Variants in AFAP1 observed in about 807,000 individuals in gnomAD.
AFAP1 encodes actin filament-associated protein 1.
In AFAP1, 75 loss-of-function variants were observed where a neutral mutation model predicts 93.9. That is an observed-to-expected ratio of 0.80 (90% confidence interval 0.66 to 0.97). The LOEUF (loss-of-function observed/expected upper bound fraction) is 0.97. Ranked by LOEUF, AFAP1 falls within the 50% of genes least tolerant of loss-of-function variation. The pLI is 0.00. For missense variants in AFAP1, 1,201 were observed against 1,050.8 expected (o/e 1.14, Z -1.98); for synonymous variants, 517 against 430.7 (o/e 1.20, Z -2.48).
At chr4:7,806,759 C>T (rs961012908) in intron 9 of AFAP1, among the ~76,000 whole-genome samples, 2 of 152,156 alleles carry the variant, frequency 1.3e-5, no homozygotes, top group Non-Finnish European at 2.9e-5. Context: ...AGAGGATGTT[C>T]TGTTAATATT....
intron 3 of AFAP1, 67 bp from the exon 4 acceptor site, chr4:7,855,641 A>G (rs558358726): frequency 7.1e-4 from 903 of 1,269,204 alleles, no homozygotes; most frequent in Non-Finnish European, 9.6e-4. Context: ...TGGATTTCCA[A>G]TTAACAGGTG....
chr4:7,939,353 G>A lies in AFAP1; in HGVS notation c.-3+303C>T. The A allele has an allele frequency of 6.2e-6, 2 of 324,612 alleles. No homozygotes were observed. Among genetic ancestry groups the A allele is most frequent in the African/African-American group, 2.3e-5 (1 of 43,768 alleles). 20.1% of individuals were successfully genotyped at this position (324,612 alleles called of 1,614,324 possible). ...GCAGGGCCCCCTCTGACGCACACGG[G>A]GACCAGCCACGCCGCGGGGGCACCG... On this transcript the variant is annotated intron_variant, in intron 1 of 17. Transcript: ENST00000420658. The surrounding 1 kb of genome is among the most constrained non-coding windows in gnomAD (Gnocchi z 5.6).
intron 3 of AFAP1, among the ~76,000 whole-genome samples, chr4:7,868,063 T>C (rs1292895811): frequency 6.6e-6 from 1 of 151,850 alleles, no homozygotes; most frequent in East Asian, 1.9e-4. Context: ...ACATAAAAGT[T>C]TGCAAATGAG....
intron 4 of AFAP1, among the ~76,000 whole-genome samples, chr4:7,845,960 AG>A (rs546521082): frequency 4.6e-4 from 70 of 152,306 alleles, no homozygotes; most frequent in African/African-American, 1.6e-3. Context: ...CAGCATATGC[AG>A]GGGCACAGGG....
At chr4:7,923,036 T>C (rs144241315) in intron 1 of AFAP1, among the ~76,000 whole-genome samples, 6 of 152,190 alleles carry the variant, frequency 3.9e-5, no homozygotes, top group African/African-American at 9.6e-5. Context: ...AGAATTTGTA[T>C]AGACATAAAG....
intron 3 of AFAP1, chr4:7,862,009 T>C (rs1039535452): frequency 1.3e-5 from 2 of 152,266 alleles, no homozygotes; most frequent in South Asian, 2.1e-4. Context: ...AATGCATCGA[T>C]GGGAAGATGG....
rs1188061998 is a variant in AFAP1 at position 7,855,327 on chromosome 4, A to T, written c.334+139T>A. Reference sequence around the variant, plus strand: ...TCTCAAAACCTTTCCTGTACTGACAATCTCTTTGGGTTCAAAAAGTACTTG... The same window carrying T: ...TCTCAAAACCTTTCCTGTACTGACATTCTCTTTGGGTTCAAAAAGTACTTG... On this transcript the variant is annotated intron_variant, in intron 4 of 17. Coordinates refer to ENST00000420658, the MANE Select transcript of AFAP1 (RefSeq NM_001134647.2). The T allele has an allele frequency of 1.3e-5, 8 of 638,584 alleles. No homozygotes were observed. The Admixed American group carries it at 1.3e-4, about 10-fold the overall frequency. The allele number at this position is 638,584 out of a possible 1,614,324, so 39.6% of individuals were successfully genotyped here. A position where few individuals can be genotyped will look rare whatever the true frequency, so the allele number is the denominator to read the frequency against.
At chr4:7,879,573 A>AC (rs1717722645) in intron 1 of AFAP1, among the ~76,000 whole-genome samples, 1 of 152,166 alleles carries the variant, frequency 6.6e-6, no homozygotes, top group Admixed American at 6.5e-5. Flanking sequence ...GGAATTTAGC[A>AC]TTCCCAAAGT....
At chr4:7,875,116 C>G (rs1029555025) in intron 1 of AFAP1, among the ~76,000 whole-genome samples, 1 of 152,144 alleles carries the variant, frequency 6.6e-6, no homozygotes, top group Admixed American at 6.5e-5. Context: ...GCTCAACTGA[C>G]AAAAGCATAA....
intron 1 of AFAP1, among the ~76,000 whole-genome samples, chr4:7,929,591 T>C (rs1720950522): frequency 6.6e-6 from 1 of 152,176 alleles, no homozygotes; most frequent in South Asian, 2.1e-4. Context: ...TCCAGAAGCA[T>C]GTGCTCCCTC....
At position 7,910,541 on chromosome 4, in the gene AFAP1, A is replaced by G. The variant is rs368164649; in HGVS notation, c.-3+29115T>C. 5.3e-5 allele frequency among the ~76,000 whole-genome samples: 8 copies of G among 152,368 alleles called. No individual in the cohort carries two copies. In the East Asian group the frequency reaches 1.5e-3, roughly 29 times the overall value. The stretch of plus-strand genomic sequence containing the variant: ...CAAAAGTGGAAGCAGAAAATTGAGC[A>G]ATCAGCCTACCAAGTCAAGTGGGGC... On this transcript the variant is annotated intron_variant, in intron 1 of 17. Transcript: ENST00000420658.
intron 1 of AFAP1, among the ~76,000 whole-genome samples, chr4:7,915,486 A>AAAG (rs1223060104): frequency 6.6e-6 from 1 of 151,952 alleles, no homozygotes; most frequent in Admixed American, 6.6e-5. Context: ...CTAAAAAAAA[A>AAAG]AAGAAGAAGA....
chr4:7,802,719 A>T (rs372840113), intron 9 of AFAP1, among the ~76,000 whole-genome samples: 1 of 145,454 alleles, frequency 6.9e-6, no homozygotes, highest in South Asian at 2.1e-4. Context: ...GCGTGATCTC[A>T]GCTCACTGCA....
chr4:7,803,977 C>T (rs978784161), intron 9 of AFAP1, among the ~76,000 whole-genome samples: 1 of 152,186 alleles, frequency 6.6e-6, no homozygotes, highest in African/African-American at 2.4e-5. Flanking sequence ...CACCATTTCT[C>T]AAAATGGGGA....
At chr4:7,840,806 G>A (rs916052747) in intron 5 of AFAP1, among the ~76,000 whole-genome samples, 8 of 152,142 alleles carry the variant, frequency 5.3e-5, no homozygotes, top group African/African-American at 9.7e-5. Context: ...GCAACTAATC[G>A]TACAATGGAA....
Position 7,783,936 on chromosome 4 carries a change from A to C in AFAP1, c.1530+2258T>G, listed in dbSNP as rs554531844. ...TTCTCAGGATGCAGATGAGTGTGGTAACTGGAGTCTAAATCCAGTGGTAAG... is the reference window on the plus strand; with the variant it reads ...TTCTCAGGATGCAGATGAGTGTGGTCACTGGAGTCTAAATCCAGTGGTAAG... On this transcript the variant is annotated intron_variant, in intron 12 of 17. Transcript: ENST00000420658. 2.6e-5 allele frequency among the ~76,000 whole-genome samples: 4 copies of C among 152,296 alleles called. No homozygotes were observed. The South Asian group carries it at 8.3e-4, about 32-fold the overall frequency.
intron 1 of AFAP1, among the ~76,000 whole-genome samples, chr4:7,872,532 G>C (rs553843240): frequency 6.6e-6 from 1 of 152,250 alleles, no homozygotes; most frequent in Admixed American, 6.5e-5. Flanking sequence ...ACAACTGTGA[G>C]CATGTTTATG....
At chr4:7,878,477 C>CAGG (rs1169575234) in intron 1 of AFAP1, among the ~76,000 whole-genome samples, 1 of 152,220 alleles carries the variant, frequency 6.6e-6, no homozygotes, top group Non-Finnish European at 1.5e-5. Flanking sequence ...ATCCTTCTAT[C>CAGG]AGGAGGAGGA....
At chr4:7,774,960 G>T in intron 14 of AFAP1, 57 bp from the exon 15 acceptor site, 1 of 1,577,154 alleles carries the variant, frequency 6.3e-7, no homozygotes, top group African/African-American at 1.4e-5. Flanking sequence ...TGGGAAATAT[G>T]GGACGATCCC....
Sources: gnomAD v4.1 joint callset for allele counts (sites outside exome capture counted in the v4.1 genomes callset) on GRCh38, gnomAD v4.1.1 for gene constraint, Gnocchi (gnomAD v3.1) non-coding constraint, MANE v1.5 for transcripts, NCBI Gene and HGNC (gene_info 2026-07-23, HGNC 2026-07-21) for gene names.